The following FBXO3 variants were observed in gnomAD, a reference collection of about 807,000 sequenced individuals.
The protein encoded by FBXO3 is F-box protein 3, also known as F-box only protein 3.
A neutral mutation model predicts 64.8 loss-of-function variants in FBXO3; 17 were observed. The ratio of observed to expected loss-of-function variants is 0.26; its 90% confidence interval spans 0.18 to 0.39. The LOEUF is 0.39. Among genes scored for constraint, FBXO3 ranks in the 10% least tolerant of loss-of-function variants. The pLI is 1.00. For synonymous variants in FBXO3, 182 were observed against 201.6 expected (o/e 0.90, Z 0.82); for missense variants, 420 against 589.9 (o/e 0.71, Z 2.98).
chr11:33,760,817 T>C (rs1052814376), intron 3 of FBXO3, among the ~76,000 whole-genome samples: 10 of 152,056 alleles, frequency 6.6e-5, no homozygotes, highest in African/African-American at 2.4e-4. Context: ...TTAGAAGAAA[T>C]ACCAAAAGGA....
chr11:33,746,499 G>A (rs1178207857), intron 10 of FBXO3: 9 of 537,678 alleles, frequency 1.7e-5, no homozygotes, highest in Admixed American at 3.1e-5. Flanking sequence ...AGAAGCTAGA[G>A]GGCATTTTCC....
intron 1 of FBXO3, chr11:33,771,151 A>T (rs1398244275): frequency 5.5e-6 from 1 of 180,616 alleles, no homozygotes; most frequent in Non-Finnish European, 1.2e-5. Context: ...TTATCAGGAC[A>T]ATACTCATTT....
intron 10 of FBXO3, chr11:33,742,997 G>A (rs1295080193): frequency 6.6e-6 from 1 of 152,176 alleles, no homozygotes; most frequent in Non-Finnish European, 1.5e-5. Context: ...CCAAATATCT[G>A]GAGTCTGAAA....
rs1564983969 is a variant in FBXO3, at chr11:33,742,022, GTCTTCCTCC to G, written c.1293_1301del (p.Glu431_Glu433del). 7 of 1,607,190 alleles carry G rather than the reference GTCTTCCTCC, an allele frequency of 4.4e-6. No individual in the cohort carries two copies. Among genetic ancestry groups the G allele is most frequent in the East Asian group, 2.2e-5 (1 of 44,820 alleles). On this transcript the variant is annotated inframe_deletion, in exon 11 of 11. Coordinates refer to ENST00000265651, the MANE Select transcript of FBXO3 (RefSeq NM_012175.4). ...CCATATCTGCTGAATCATCATCCTC[GTCTTCCTCC>G]TCTTCCTCCTCCTCCTCTTCTTCCA...
chr11:33,751,415 G>A, intron 7 of FBXO3, 108 bp downstream of exon 7: 2 of 697,686 alleles, frequency 2.9e-6, no homozygotes, highest in Non-Finnish European at 4.9e-6. Flanking sequence ...CCTCAATAGA[G>A]AGGTTCTATT....
chr11:33,742,386 C>T (rs1167335241), intron 10 of FBXO3: 1 of 185,430 alleles, frequency 5.4e-6, no homozygotes, highest in African/African-American at 2.4e-5. Context: ...CTAGGCTAGC[C>T]TCAAACTCCT....
Position 33,755,990 on chromosome 11 carries a change from G to A in FBXO3, c.474-15C>T. 1 of 1,609,350 alleles carries A rather than the reference G, an allele frequency of 6.2e-7. No homozygotes were observed. The highest frequency in any genetic ancestry group is 8.5e-7 in the Non-Finnish European group (1 of 1,176,110). ...TTCCCAATAACCTGAGGAGCATACA[G>A]ACTCAAACATGTAATACACGGCAGT... On this transcript the variant is annotated splice_polypyrimidine_tract_variant and intron_variant, in intron 4 of 10. Coordinates refer to ENST00000265651, the MANE Select transcript of FBXO3 (RefSeq NM_012175.4).
chr11:33,757,681 A>AAAAAAAAAAAAAAAAAAAAAAAAT, intron 4 of FBXO3, among the ~76,000 whole-genome samples: 1 of 143,188 alleles, frequency 7.0e-6, no homozygotes, highest in African/African-American at 2.6e-5. Context: ...AAAAAAAAAA[A>AAAAAAAAAAAAAAAAAAAAAAAAT]GTCTGGGTGG....
intron 9 of FBXO3, 60 bp from the exon 10 acceptor site, chr11:33,747,380 A>T: frequency 1.5e-6 from 2 of 1,352,514 alleles, no homozygotes; most frequent in Non-Finnish European, 2.1e-6. Flanking sequence ...ATTACAATAA[A>T]TAAGGTATGG....
chr11:33,747,042 A>G (rs1185993870), intron 10 of FBXO3, 88 bp downstream of exon 10: 5 of 1,556,736 alleles, frequency 3.2e-6, no homozygotes, highest in Admixed American at 2.3e-5. Flanking sequence ...CTGGAACACT[A>G]TTTATAAACT....
intron 4 of FBXO3, 116 bp from the exon 5 acceptor site, chr11:33,756,091 A>G: frequency 1.4e-6 from 1 of 730,840 alleles, no homozygotes; most frequent in Admixed American, 2.4e-5. Context: ...AATTAACATG[A>G]CAATTCTAAA....
chr11:33,759,658 C>T (rs1029495702), intron 3 of FBXO3, among the ~76,000 whole-genome samples: 7 of 152,020 alleles, frequency 4.6e-5, no homozygotes, highest in Non-Finnish European at 1.0e-4. Context: ...CAAATTATGT[C>T]TAGCAATAAA....
chr11:33,760,953 T>C (rs955507713), intron 3 of FBXO3, among the ~76,000 whole-genome samples: 1 of 152,114 alleles, frequency 6.6e-6, no homozygotes, highest in African/African-American at 2.4e-5. Context: ...AAAATAAGAA[T>C]GTTTTCAGGG....
At chr11:33,752,200 G>A (rs2133600444) in intron 6 of FBXO3, among the ~76,000 whole-genome samples, 1 of 152,326 alleles carries the variant, frequency 6.6e-6, no homozygotes, top group Non-Finnish European at 1.5e-5. Flanking sequence ...TTAGTGACCA[G>A]CTCAAAGCAG....
chr11:33,748,426 G>C (rs1352904951), intron 9 of FBXO3, among the ~76,000 whole-genome samples: 2 of 152,104 alleles, frequency 1.3e-5, no homozygotes, highest in African/African-American at 4.8e-5. Flanking sequence ...CAGAATTAAA[G>C]TGACTGAAAT....
At chr11:33,756,867 G>T (rs1464725915) in intron 4 of FBXO3, among the ~76,000 whole-genome samples, 4 of 152,044 alleles carry the variant, frequency 2.6e-5, no homozygotes, top group Non-Finnish European at 5.9e-5. Context: ...AGCTATAAGT[G>T]CATGCTACCA....
At position 33,743,611 on chromosome 11, in the gene FBXO3, T is replaced by C. The variant is rs1236799653; in HGVS notation, c.1240-1527A>G. The C allele has an allele frequency of 6.6e-6, 1 of 152,470 alleles. No individual in the cohort carries two copies. The highest frequency in any genetic ancestry group is 1.5e-5 in the Non-Finnish European group (1 of 68,182). The allele number at this position is 152,470 out of a possible 1,614,324, so 9.4% of individuals were successfully genotyped here. On this transcript the variant is annotated intron_variant, in intron 10 of 10. Transcript: ENST00000265651. This position sits in a 1 kb window ranked among gnomAD's most constrained non-coding sequence, Gnocchi z 4.6. ...ATCTAATCTCCAGCCCCTCTCCCTGTTGTTCACTGCACTCCAGCTACACTG... is the reference window on the plus strand; with the variant it reads ...ATCTAATCTCCAGCCCCTCTCCCTGCTGTTCACTGCACTCCAGCTACACTG...
chr11:33,774,145 G>A (rs367721945), intron 1 of FBXO3: 20 of 441,296 alleles, frequency 4.5e-5, no homozygotes, highest in African/African-American at 3.0e-4. Flanking sequence ...CCTCACCGAG[G>A]CCTGGGAGAG....
In FBXO3 at chr11:33,758,355, G is replaced by A. The variant is rs2272066; in HGVS notation, c.473+132C>T. ...AGCTATAGATTTTGTCTTATGGATT[G>A]CTATAAAGGAGAAAGAGGGAATTCC... is the stretch of plus-strand genomic sequence containing the variant. On this transcript the variant is annotated intron_variant, in intron 4 of 10. Transcript: ENST00000265651. 6.5e-4 allele frequency: 350 copies of A among 537,244 alleles called. No individual in the cohort carries two copies. In the East Asian group the frequency reaches 9.2e-3, roughly 14 times the overall value. 33.3% of individuals were successfully genotyped at this position (537,244 alleles called of 1,614,324 possible). A position where few individuals can be genotyped will look rare whatever the true frequency, so the allele number is the denominator to read the frequency against.
Sources: allele counts gnomAD v4.1 joint callset (sites outside exome capture counted in the v4.1 genomes callset), GRCh38; gene constraint gnomAD v4.1.1; non-coding constraint Gnocchi (gnomAD v3.1); transcripts MANE v1.5; gene names NCBI Gene and HGNC (gene_info 2026-07-23, HGNC 2026-07-21).